The following SORD variants were observed in gnomAD, a reference collection of about 807,000 sequenced individuals.
SORD encodes the protein sorbitol dehydrogenase.
Under a neutral mutation model 35.6 loss-of-function variants are expected in SORD, and 18 were observed. The ratio of observed to expected loss-of-function variants is 0.51; its 90% CI spans 0.35 to 0.75. The LOEUF is 0.75. Among genes scored for constraint, SORD ranks in the 30% least tolerant of loss-of-function variants. The pLI is 0.01. For missense variants in SORD, 250 were observed against 390.2 expected (o/e 0.64, Z 3.03); for synonymous variants, 106 against 152.9 (o/e 0.69, Z 2.26).
intron 5 of SORD, among the ~76,000 whole-genome samples, chr15:45,065,974 C>T (rs1893398222): frequency 6.6e-6 from 1 of 151,862 alleles, no homozygotes; most frequent in Admixed American, 6.6e-5. Flanking sequence ...GAATCTGGGC[C>T]AGGCGGGGTA....
intron 4 of SORD, among the ~76,000 whole-genome samples, chr15:45,063,695 C>A (rs2141123293): frequency 6.6e-6 from 1 of 152,306 alleles, no homozygotes; most frequent in Middle Eastern, 3.4e-3. Flanking sequence ...CGCAAGCCAC[C>A]CTCTGCATAG....
At chr15:45,071,008 C>T (rs1451774902) in intron 7 of SORD, among the ~76,000 whole-genome samples, 5 of 152,222 alleles carry the variant, frequency 3.3e-5, no homozygotes, top group East Asian at 1.9e-4. Flanking sequence ...TAGGCCACCC[C>T]GCCAATGAGC....
chr15:45,050,795 T>G (rs1893112496), intron 3 of SORD: 1 of 152,172 alleles, frequency 6.6e-6, no homozygotes, highest in Admixed American at 6.5e-5. Flanking sequence ...TACTCCAAAT[T>G]TTGTTCACAG....
chr15:45,030,872 A>G (rs138411875), intron 1 of SORD, among the ~76,000 whole-genome samples: 4,986 of 151,032 alleles, frequency 0.033, no homozygotes, highest in African/African-American at 0.098. Context: ...AGTCCCAGTA[A>G]CCAACTGCCT....
chr15:45,069,194 C>A, intron 7 of SORD, 142 bp downstream of exon 7: 18 of 116,970 alleles, frequency 1.5e-4, no homozygotes, highest in East Asian at 4.2e-4. Flanking sequence ...TTTTCTTTTT[C>A]TTTTTTTTTT....
intron 7 of SORD, among the ~76,000 whole-genome samples, chr15:45,069,289 C>A (rs1237299053): frequency 1.4e-5 from 2 of 145,610 alleles, no homozygotes; most frequent in African/African-American, 5.0e-5. Flanking sequence ...TAACTGCAAG[C>A]TCCGCCTCCT....
rs139808555 is a variant in SORD, at chr15:45,033,936, T to G, written c.67-6472T>G. On this transcript the variant is annotated intron_variant, in intron 1 of 8. Transcript: ENST00000267814. ...GGAAGGTCATATAAGAACTTAGTTTTGCTTTGATGATGTGGAACTTTAGTA... is the reference window on the plus strand; with the variant it reads ...GGAAGGTCATATAAGAACTTAGTTTGGCTTTGATGATGTGGAACTTTAGTA... Among the ~76,000 whole-genome samples the G allele has an allele frequency of 8.0e-3, 1,223 of 152,094 alleles. 2 individuals are homozygous for G. The highest frequency in any genetic ancestry group is 0.023 in the East Asian group (118 of 5,190).
intron 4 of SORD, among the ~76,000 whole-genome samples, chr15:45,064,647 A>G (rs1045115403): frequency 2.6e-5 from 4 of 152,174 alleles, no homozygotes; most frequent in African/African-American, 9.7e-5. Flanking sequence ...TCTGGAATGT[A>G]TAATATGGGA....
intron 3 of SORD, among the ~76,000 whole-genome samples, chr15:45,045,296 G>A (rs1893028601): frequency 6.6e-6 from 1 of 152,124 alleles, no homozygotes; most frequent in Non-Finnish European, 1.5e-5. Flanking sequence ...CCAGCACTTT[G>A]GGAAGCTGTG....
intron 1 of SORD, among the ~76,000 whole-genome samples, chr15:45,030,880 C>T (rs1892770060): frequency 6.6e-6 from 1 of 152,230 alleles, no homozygotes; most frequent in Non-Finnish European, 1.5e-5. Context: ...TAACCAACTG[C>T]CTGTTGAACA....
chr15:45,052,011 A>T (rs1301097770), intron 3 of SORD, among the ~76,000 whole-genome samples: 1 of 152,204 alleles, frequency 6.6e-6, no homozygotes, highest in Non-Finnish European at 1.5e-5. Context: ...ATCTTAACCT[A>T]ATTCAAAACA....
At chr15:45,051,121 GACA>G (rs1301278146) in intron 3 of SORD, among the ~76,000 whole-genome samples, 2 of 152,040 alleles carry the variant, frequency 1.3e-5, no homozygotes, top group African/African-American at 2.4e-5. Flanking sequence ...ATTAAAACAA[GACA>G]ACAATTGTCT....
chr15:45,061,309 A>G (rs1893302196), intron 4 of SORD, 83 bp downstream of exon 4: 20 of 1,460,306 alleles, frequency 1.4e-5, no homozygotes, highest in Non-Finnish European at 1.6e-5. Context: ...TTATTTCTTT[A>G]TTCTTTTCAG....
intron 3 of SORD, among the ~76,000 whole-genome samples, chr15:45,056,187 A>G: frequency 6.6e-6 from 1 of 150,796 alleles, no homozygotes; most frequent in East Asian, 1.9e-4. Context: ...TTAGGAAAAG[A>G]GGAAGTCAAA....
chr15:45,056,799 G>A (rs1399921974), intron 3 of SORD, among the ~76,000 whole-genome samples: 2 of 152,204 alleles, frequency 1.3e-5, no homozygotes, highest in African/African-American at 4.8e-5. Flanking sequence ...CCATATTTAA[G>A]CAAAGAAAAC....
intron 3 of SORD, among the ~76,000 whole-genome samples, chr15:45,044,482 C>A (rs868718551): frequency 6.7e-6 from 1 of 150,228 alleles, no homozygotes; most frequent in Non-Finnish European, 1.5e-5. Flanking sequence ...GACAGCAAGC[C>A]CATAGGGTAC....
chr15:45,056,726 A>G (rs1893223731), intron 3 of SORD, among the ~76,000 whole-genome samples: 1 of 152,256 alleles, frequency 6.6e-6, no homozygotes, highest in South Asian at 2.1e-4. Flanking sequence ...AATGTTTGGC[A>G]TAGTACTTTT....
chr15:45,053,942 AT>A (rs1323064276), intron 3 of SORD, among the ~76,000 whole-genome samples: 3 of 144,400 alleles, frequency 2.1e-5, no homozygotes, highest in African/African-American at 7.8e-5. Context: ...ATGATTTCCA[AT>A]TTCATCCATG....
At chr15:45,061,745 T>A (rs556644232) in intron 4 of SORD, among the ~76,000 whole-genome samples, 6 of 152,176 alleles carry the variant, frequency 3.9e-5, no homozygotes, top group African/African-American at 1.2e-4. Context: ...GGCAGGCACC[T>A]GTAGTCCCAG....
Sources: allele counts gnomAD v4.1 joint callset (sites outside exome capture counted in the v4.1 genomes callset), GRCh38; gene constraint gnomAD v4.1.1; transcripts MANE v1.5; gene names NCBI Gene and HGNC (gene_info 2026-07-23, HGNC 2026-07-21).